The following VPS53 variants were observed in gnomAD, a reference collection of about 807,000 sequenced individuals.
VPS53 encodes vacuolar protein sorting-associated protein 53 homolog.
VPS53 carries 70 observed loss-of-function variants against 107.0 expected under a neutral mutation model. The observed-to-expected ratio is 0.65, with a 90% CI of 0.54 to 0.80. The LOEUF is 0.80. Among genes scored for constraint, VPS53 ranks in the 30% least tolerant of loss-of-function variants. The pLI is 0.00. For missense variants in VPS53, 917 were observed against 1,049.4 expected (o/e 0.87, Z 1.74); for synonymous variants, 409 against 393.3 (o/e 1.04, Z -0.47).
chr17:536,887 ACTGTG>A, intron 18 of VPS53, 136 bp downstream of exon 18: 1 of 1,039,876 alleles, frequency 9.6e-7, no homozygotes, highest in Non-Finnish European at 1.4e-6. Flanking sequence ...TAATGGGAAG[ACTGTG>A]CATGTTGGGG....
intron 7 of VPS53, among the ~76,000 whole-genome samples, chr17:648,121 T>A (rs1970780771): frequency 6.6e-6 from 1 of 152,208 alleles, no homozygotes; most frequent in Non-Finnish European, 1.5e-5. Flanking sequence ...CTGGCAGGTT[T>A]CTCCAGGTCT....
intron 7 of VPS53, among the ~76,000 whole-genome samples, chr17:651,207 C>T (rs926087617): frequency 6.6e-6 from 1 of 152,152 alleles, no homozygotes. Flanking sequence ...CACACAAATC[C>T]GCAGTGATAG....
chr17:585,727 A>C (rs1352267761), intron 13 of VPS53, among the ~76,000 whole-genome samples: 1 of 152,140 alleles, frequency 6.6e-6, no homozygotes. Context: ...CTGACAACGA[A>C]ATGCATGATT....
intron 11 of VPS53, among the ~76,000 whole-genome samples, chr17:620,648 C>G (rs896150320): frequency 1.9e-4 from 29 of 151,738 alleles, no homozygotes; most frequent in African/African-American, 6.5e-4. Context: ...CAAAGCATGA[C>G]AGCTATGGGT....
chr17:533,165 C>G (rs564124998), intron 18 of VPS53, among the ~76,000 whole-genome samples: 1 of 152,174 alleles, frequency 6.6e-6, no homozygotes, highest in Non-Finnish European at 1.5e-5. Context: ...ATTCTCAGCT[C>G]GTCAGAGCAC....
intron 11 of VPS53, among the ~76,000 whole-genome samples, chr17:607,488 A>T (rs866321419): frequency 1.3e-5 from 2 of 152,242 alleles, no homozygotes; most frequent in South Asian, 4.1e-4. Context: ...AGATGAAAGA[A>T]CAAGTCCTTG....
chr17:589,870 G>T (rs1967546454), intron 12 of VPS53, among the ~76,000 whole-genome samples: 1 of 151,908 alleles, frequency 6.6e-6, no homozygotes, highest in Admixed American at 6.6e-5. Context: ...GCTCTTTTTT[G>T]GTTCCATATG....
At chr17:550,552 A>G (rs887081151) in intron 17 of VPS53, among the ~76,000 whole-genome samples, 7 of 152,232 alleles carry the variant, frequency 4.6e-5, no homozygotes, top group African/African-American at 1.7e-4. Flanking sequence ...AGTGGGCCAG[A>G]TCTGGTTCCC....
At chr17:656,553 A>G (rs1328050260) in intron 5 of VPS53, among the ~76,000 whole-genome samples, 2 of 152,216 alleles carry the variant, frequency 1.3e-5, no homozygotes, top group Non-Finnish European at 2.9e-5. Flanking sequence ...CAGCAGGTCC[A>G]AGAGAAGAGA....
chr17:609,218 T>C (rs1319057527), intron 11 of VPS53, among the ~76,000 whole-genome samples: 1 of 152,190 alleles, frequency 6.6e-6, no homozygotes, highest in Non-Finnish European at 1.5e-5. Flanking sequence ...GATTTGCCTC[T>C]TTTGGGTATT....
chr17:653,184 C>T (rs534732537), intron 7 of VPS53, 107 bp downstream of exon 7: 4 of 1,559,012 alleles, frequency 2.6e-6, no homozygotes, highest in Non-Finnish European at 3.5e-6. Context: ...GGAAAGCTGC[C>T]GGATCTGCGG....
intron 10 of VPS53, among the ~76,000 whole-genome samples, chr17:626,595 A>T (rs1039364985): frequency 6.6e-6 from 1 of 152,108 alleles, no homozygotes; most frequent in African/African-American, 2.4e-5. Flanking sequence ...AATCACTTGA[A>T]TGCAGTAAAT....
chr17:644,243 T>C (rs907981871), intron 7 of VPS53, among the ~76,000 whole-genome samples: 3 of 152,248 alleles, frequency 2.0e-5, no homozygotes, highest in Non-Finnish European at 4.4e-5. Context: ...GCTCATGAAC[T>C]TCCTATTTCA....
In VPS53 at chr17:508,702, T is replaced by A. The variant is rs985858760; in HGVS notation, c.*10426A>T. 8 of 152,174 alleles carry A rather than the reference T, an allele frequency of 5.3e-5. No individual in the cohort carries two copies. Among genetic ancestry groups the A allele is most frequent in the South Asian group, 2.1e-4 (1 of 4,826 alleles). 9.4% of individuals were successfully genotyped at this position (152,174 alleles called of 1,614,324 possible). A position where few individuals can be genotyped will look rare whatever the true frequency, so the allele number is the denominator to read the frequency against. On this transcript the variant is annotated 3_prime_UTR_variant, in exon 22 of 22. Coordinates refer to ENST00000437048, the MANE Select transcript of VPS53 (RefSeq NM_001128159.3). ...CATCTCTGTTTAATTGAAGAGCCTC[T>A]ACCATTGCAAGAAGAGCTGTTTAAA...
At chr17:701,731 A>G (rs948310109) in intron 2 of VPS53, among the ~76,000 whole-genome samples, 1 of 151,468 alleles carries the variant, frequency 6.6e-6, no homozygotes, top group Middle Eastern at 3.2e-3. Flanking sequence ...TATAATATCA[A>G]ATAGCCTACC....
chr17:616,570 C>A (rs1414731959), intron 11 of VPS53: 1 of 152,330 alleles, frequency 6.6e-6, no homozygotes, highest in African/African-American at 2.4e-5. Flanking sequence ...GGGCTCCAGG[C>A]CAGGAGCTTG....
At chr17:586,436 C>T (rs1171468193) in intron 12 of VPS53, 72 bp from the exon 13 acceptor site, 3 of 1,429,540 alleles carry the variant, frequency 2.1e-6, no homozygotes, top group Admixed American at 3.6e-5. Flanking sequence ...TTTTTAAAAA[C>T]ATCATTTCAA....
At chr17:626,050 A>G (rs1199375971) in intron 10 of VPS53, among the ~76,000 whole-genome samples, 1 of 152,158 alleles carries the variant, frequency 6.6e-6, no homozygotes, top group African/African-American at 2.4e-5. Flanking sequence ...CAAAAAATAC[A>G]CACACAAAAA....
At chr17:673,874 A>G (rs1344041425) in intron 4 of VPS53, 1 of 152,254 alleles carries the variant, frequency 6.6e-6, no homozygotes, top group African/African-American at 2.4e-5. Flanking sequence ...AATGTGAACC[A>G]AAGAGCTCAT....
Sources: allele counts gnomAD v4.1 joint callset (sites outside exome capture counted in the v4.1 genomes callset), GRCh38; gene constraint gnomAD v4.1.1; transcripts MANE v1.5; gene names NCBI Gene and HGNC (gene_info 2026-07-23, HGNC 2026-07-21).